RXRG: variants seen among roughly 807,000 people sequenced by gnomAD.
RXRG encodes the protein retinoid X receptor gamma.
RXRG carries 19 observed loss-of-function variants against 49.2 expected under a neutral mutation model. The observed-to-expected ratio is 0.39, with a 90% CI of 0.27 to 0.57. The LOEUF (loss-of-function observed/expected upper bound fraction) is 0.57, where lower values mean the gene tolerates loss of function less well. Ranked by LOEUF, RXRG falls within the 20% of genes least tolerant of loss-of-function variation. The pLI, the probability that RXRG is intolerant of heterozygous loss-of-function variation, is 0.64. For synonymous variants in RXRG, 224 were observed against 216.6 expected (o/e 1.03, Z -0.30); for missense variants, 452 against 592.5 (o/e 0.76, Z 2.46).
At chr1:165,402,397 A>G (rs1571260342) in intron 9 of RXRG, among the ~76,000 whole-genome samples, 1 of 151,946 alleles carries the variant, frequency 6.6e-6, no homozygotes, top group Non-Finnish European at 1.5e-5. Flanking sequence ...ATTGTTACCA[A>G]TTTTTATGAT....
Position 165,406,872 on chromosome 1 carries a change from T to C in RXRG, c.1184A>G (p.Glu395Gly), listed in dbSNP as rs773507609. The change falls in exon 9 of 10, where the codon GAG becomes GGG. Residue 395 changes from glutamate to glycine, a missense_variant. Coordinates refer to ENST00000359842, the MANE Select transcript of RXRG (RefSeq NM_006917.5). ...SNPSEVETLR[E>G]KVYATLEAYT... is the part of the protein sequence containing the mutation. ...GGCCTCAAGGGTGGCATAAACCTTC[T>C]CTCGCAGAGTCTCCACCTCAGAGGG... The C allele has an allele frequency of 1.2e-5, 20 of 1,613,792 alleles. 1 individual carries two copies. The Admixed American group carries it at 1.8e-4, about 15-fold the overall frequency.
intron 4 of RXRG, among the ~76,000 whole-genome samples, chr1:165,412,786 C>T (rs1159890966): frequency 6.6e-6 from 1 of 152,200 alleles, no homozygotes; most frequent in Non-Finnish European, 1.5e-5. Context: ...TCTGTCTCAT[C>T]CTTACTTTCT....
At chr1:165,433,497 A>G (rs1044983387) in intron 1 of RXRG, among the ~76,000 whole-genome samples, 1 of 152,206 alleles carries the variant, frequency 6.6e-6, no homozygotes, top group Non-Finnish European at 1.5e-5. Flanking sequence ...TGCAGAGTTC[A>G]TTATCTTTGC....
At chr1:165,437,131 G>A (rs1370644430) in intron 1 of RXRG, 3 of 1,367,672 alleles carry the variant, frequency 2.2e-6, no homozygotes, top group Non-Finnish European at 2.9e-6. Context: ...GAGGGTTCAG[G>A]GCTCACAGTA....
At chr1:165,419,485 G>C (rs910553437) in intron 3 of RXRG, among the ~76,000 whole-genome samples, 1 of 151,768 alleles carries the variant, frequency 6.6e-6, no homozygotes, top group African/African-American at 2.4e-5. Context: ...TGACTTCCCA[G>C]GCTCAAGCTA....
intron 1 of RXRG, among the ~76,000 whole-genome samples, chr1:165,429,389 A>G: frequency 6.6e-6 from 1 of 152,192 alleles, no homozygotes; most frequent in East Asian, 1.9e-4. Context: ...CCCTGACTAG[A>G]ACTCATATTG....
intron 9 of RXRG, among the ~76,000 whole-genome samples, chr1:165,402,741 C>T (rs558970656): frequency 3.3e-5 from 5 of 152,068 alleles, no homozygotes; most frequent in Admixed American, 6.6e-5. Context: ...TTCACACACA[C>T]TCATGCACAC....
At chr1:165,415,999 G>T (rs1360769682) in intron 4 of RXRG, among the ~76,000 whole-genome samples, 2 of 152,118 alleles carry the variant, frequency 1.3e-5, no homozygotes, top group African/African-American at 4.8e-5. Context: ...ACTCTGTAAG[G>T]CCACCTCTAG....
intron 1 of RXRG, among the ~76,000 whole-genome samples, chr1:165,442,869 C>G (rs157887): frequency 0.46 from 70,474 of 152,042 alleles, 17,497 homozygotes; most frequent in East Asian, 0.72. Context: ...CACACAGCTA[C>G]TAGGTGAAAA....
At chr1:165,402,964 C>T (rs1373284844) in intron 9 of RXRG, among the ~76,000 whole-genome samples, 2 of 152,178 alleles carry the variant, frequency 1.3e-5, no homozygotes, top group Non-Finnish European at 2.9e-5. Context: ...CATGCATGCA[C>T]TCACACATAC....
chr1:165,402,033 C>A (rs879621943), intron 9 of RXRG, among the ~76,000 whole-genome samples: 1 of 152,178 alleles, frequency 6.6e-6, no homozygotes, highest in Non-Finnish European at 1.5e-5. Flanking sequence ...CAGGCACATG[C>A]CTTGGGGTCC....
At chr1:165,431,866 T>C (rs1383137447) in intron 1 of RXRG, among the ~76,000 whole-genome samples, 2 of 152,228 alleles carry the variant, frequency 1.3e-5, no homozygotes, top group Non-Finnish European at 2.9e-5. Context: ...TATTTATGCT[T>C]TCTGTTTCCT....
intron 1 of RXRG, among the ~76,000 whole-genome samples, chr1:165,438,265 C>G (rs1163281088): frequency 3.3e-5 from 5 of 152,080 alleles, no homozygotes; most frequent in Admixed American, 1.3e-4. Flanking sequence ...CAATATCATG[C>G]TCAAAGGAAA....
At chr1:165,404,387 C>G (rs1265270950) in intron 9 of RXRG, among the ~76,000 whole-genome samples, 2 of 152,198 alleles carry the variant, frequency 1.3e-5, no homozygotes, top group Non-Finnish European at 2.9e-5. Flanking sequence ...AGCCCAGCCC[C>G]CTGCCAGCCA....
At position 165,401,011 on chromosome 1, in the gene RXRG, G is replaced by T; in HGVS notation, c.*252C>A. ...ATTTAAACCAATTGTATGTACAGAG[G>T]CTTGATTAGTTTTCCCAAGAACTTC... On this transcript the variant is annotated 3_prime_UTR_variant, in exon 10 of 10. Transcript: ENST00000359842. 2.2e-6 allele frequency: 1 copy of T among 448,484 alleles called. No homozygotes were observed. Among genetic ancestry groups the T allele is most frequent in the Non-Finnish European group, 3.9e-6 (1 of 254,834 alleles). 27.8% of individuals were successfully genotyped at this position (448,484 alleles called of 1,614,324 possible).
At chr1:165,403,675 C>T (rs1420625305) in intron 9 of RXRG, among the ~76,000 whole-genome samples, 1 of 152,228 alleles carries the variant, frequency 6.6e-6, no homozygotes, top group Non-Finnish European at 1.5e-5. Flanking sequence ...CCGGCCGTGC[C>T]TCTGCCGTTA....
intron 9 of RXRG, among the ~76,000 whole-genome samples, chr1:165,404,748 TTTTTTGTTTTTG>T (rs540805821): frequency 6.6e-6 from 1 of 152,076 alleles, no homozygotes; most frequent in Non-Finnish European, 1.5e-5. Flanking sequence ...TTATTACCTG[TTTTTTGTTTTTG>T]TTTTTGTTTT....
At chr1:165,428,182 C>T (rs901080412) in intron 2 of RXRG, among the ~76,000 whole-genome samples, 5 of 152,106 alleles carry the variant, frequency 3.3e-5, no homozygotes, top group African/African-American at 9.7e-5. Flanking sequence ...AGAAGGCACT[C>T]GAAATTAAGG....
intron 1 of RXRG, among the ~76,000 whole-genome samples, chr1:165,443,747 A>T (rs1474889396): frequency 4.6e-5 from 7 of 152,214 alleles, no homozygotes; most frequent in Non-Finnish European, 1.0e-4. Flanking sequence ...TCTACCTTGC[A>T]GTGTGTCACC....
Sources: allele counts gnomAD v4.1 joint callset (sites outside exome capture counted in the v4.1 genomes callset), GRCh38; gene constraint gnomAD v4.1.1; transcripts MANE v1.5; gene names NCBI Gene and HGNC (gene_info 2026-07-23, HGNC 2026-07-21).